UBR4: variants seen among roughly 807,000 people sequenced by gnomAD.
UBR4 encodes the protein E3 ubiquitin-protein ligase UBR4.
A neutral mutation model predicts 575.6 loss-of-function variants in UBR4; 124 were observed. The ratio of observed to expected loss-of-function variants is 0.22; its 90% CI spans 0.19 to 0.25. UBR4 has a LOEUF of 0.25. Ranked by LOEUF, UBR4 falls within the 10% of genes least tolerant of loss-of-function variation. The probability of loss-of-function intolerance (pLI) is 1.00; values close to 1 mark genes in which losing one functional copy is unlikely to be tolerated. For synonymous variants in UBR4, 2,455 were observed against 2,473.7 expected (o/e 0.99, Z 0.22); for missense variants, 4,818 against 6,478.8 (o/e 0.74, Z 8.80).
At chr1:19,190,292 C>CAAAAAAAAAAAAA (rs1184892281) in intron 11 of UBR4, among the ~76,000 whole-genome samples, 1 of 40,396 alleles carries the variant, frequency 2.5e-5, no homozygotes, top group African/African-American at 1.2e-4. Flanking sequence ...GACTCTGCCT[C>CAAAAAAAAAAAAA]AAAAAAAAAA....
intron 29 of UBR4, 32 bp from the exon 30 acceptor site, chr1:19,165,789 TA>T: frequency 6.4e-7 from 1 of 1,554,034 alleles, no homozygotes; most frequent in Non-Finnish European, 8.8e-7. Context: ...TAACCACCAG[TA>T]TTAAGACCTG....
Position 19,157,703 on chromosome 1 carries a change from G to T in UBR4, c.5760+112C>A. On this transcript the variant is annotated intron_variant, in intron 40 of 105. Transcript: ENST00000375254. This position sits in a 1 kb window ranked among gnomAD's most constrained non-coding sequence, Gnocchi z 4.4. ...TCTGTCCCTGAAGCATTCTTAGAACGCAGTGGACTTTTTCCCACAGAGGGC... is the reference window on the plus strand; with the variant it reads ...TCTGTCCCTGAAGCATTCTTAGAACTCAGTGGACTTTTTCCCACAGAGGGC... The T allele has an allele frequency of 7.5e-7, 1 of 1,336,778 alleles. No individual in the cohort carries two copies. The highest frequency in any genetic ancestry group is 1.0e-6 in the Non-Finnish European group (1 of 980,708). The allele number at this position is 1,336,778 out of a possible 1,614,324, so 82.8% of individuals were successfully genotyped here.
chr1:19,199,510 G>T, intron 3 of UBR4, 141 bp downstream of exon 3: 1 of 684,792 alleles, frequency 1.5e-6, no homozygotes, highest in Non-Finnish European at 2.5e-6. Context: ...TAGTTAACTA[G>T]CTGCAACAGA....
At chr1:19,147,914 C>T (rs995910892) in intron 51 of UBR4, 79 bp downstream of exon 51, 21 of 1,557,630 alleles carry the variant, frequency 1.3e-5, no homozygotes, top group Non-Finnish European at 1.8e-5. Flanking sequence ...CTTTGCTGTG[C>T]TGTTGCTTTA....
At chr1:19,166,835 G>A (rs919796581) in intron 29 of UBR4, among the ~76,000 whole-genome samples, 187 bp downstream of exon 29, 11 of 150,726 alleles carry the variant, frequency 7.3e-5, no homozygotes, top group African/African-American at 2.4e-4. Flanking sequence ...GAGCCCCGGA[G>A]GCAGAGGTTG....
intron 102 of UBR4, chr1:19,082,156 C>T (rs11802186): frequency 0.076 from 18,445 of 243,058 alleles, 1,477 homozygotes; most frequent in African/African-American, 0.24. Flanking sequence ...GTTAGAACAG[C>T]CTCTTCCAGA....
chr1:19,204,531 A>AT (rs1553240220), intron 1 of UBR4, among the ~76,000 whole-genome samples: 10 of 143,838 alleles, frequency 7.0e-5, no homozygotes, highest in African/African-American at 2.5e-4. Context: ...AATATATAAA[A>AT]AAAAATATAT....
intron 66 of UBR4, 132 bp downstream of exon 66, chr1:19,122,701 T>A: frequency 2.0e-6 from 2 of 1,011,334 alleles, no homozygotes; most frequent in Non-Finnish European, 3.0e-6. Context: ...GGATTTACCC[T>A]CATCTCAGCC....
intron 9 of UBR4, 96 bp downstream of exon 9, chr1:19,193,337 T>C: frequency 3.9e-6 from 6 of 1,522,994 alleles, no homozygotes; most frequent in Admixed American, 1.9e-5. Context: ...TGGAGAATAC[T>C]CTAAGTTCTT....
intron 73 of UBR4, among the ~76,000 whole-genome samples, chr1:19,116,422 G>C (rs2080535736): frequency 2.0e-5 from 3 of 152,158 alleles, no homozygotes; most frequent in Non-Finnish European, 1.5e-5. Context: ...GGTCACCAAG[G>C]TTAAACTAGG....
At chr1:19,144,745 C>T (rs369348644) in intron 54 of UBR4, 41 bp downstream of exon 54, 8 of 1,574,060 alleles carry the variant, frequency 5.1e-6, no homozygotes, top group South Asian at 1.2e-5. Context: ...CCAGATATTC[C>T]CTGGCTGCTG....
rs1419877961 is a variant in UBR4, at chr1:19,106,608, G to A, written c.12354C>T (p.Pro4118=). Residue 4118 remains proline (P), a synonymous_variant, in exon 83 of 106, where the codon CCC becomes CCT. Transcript: ENST00000375254. ...FLSRRGKRTS[P]LDLKLGHNNW... ...TGTTATGCCCCAGTTTGAGATCCAA[G>A]GGGGAGGTCCTCTTCCCCCGACGAC... 1.9e-6 allele frequency: 3 copies of A among 1,594,336 alleles called. No individual in the cohort carries two copies. The highest frequency in any genetic ancestry group is 2.6e-6 in the Non-Finnish European group (3 of 1,170,928).
At position 19,160,206 on chromosome 1, in the gene UBR4, G is replaced by T; in HGVS notation, c.5482C>A (p.Gln1828Lys). 6.2e-7 allele frequency: 1 copy of T among 1,613,854 alleles called. No homozygotes were observed. Among genetic ancestry groups the T allele is most frequent in the South Asian group, 1.1e-5 (1 of 91,080 alleles). The change falls in exon 39 of 106, where the codon CAA becomes AAA. Residue 1828 changes from glutamine to lysine, a missense_variant. Gln to Lys is a moderately conservative substitution (Grantham distance 53, BLOSUM62 1). Transcript: ENST00000375254. Reference protein sequence around the residue: ...LMDAIQTNFQQASAVGSSSRA... With the variant: ...LMDAIQTNFQKASAVGSSSRA... ...CTGCTGCTCCCGACGGCTGAAGCTT[G>T]CTGGAAGTTGGTCTGAATGGCATCC...
chr1:19,209,998 A>T, intron 1 of UBR4, 75 bp downstream of exon 1: 1 of 1,418,756 alleles, frequency 7.0e-7, no homozygotes, highest in Non-Finnish European at 9.3e-7. Context: ...CGGCCCGGAA[A>T]GCGGGTCCAG....
chr1:19,175,683 C>T (rs1209961090), intron 20 of UBR4, among the ~76,000 whole-genome samples: 1 of 152,178 alleles, frequency 6.6e-6, no homozygotes, highest in Non-Finnish European at 1.5e-5. Flanking sequence ...AGAACCACAA[C>T]TCTAAGGGAA....
At position 19,115,636 on chromosome 1, in the gene UBR4, G is replaced by A; in HGVS notation, c.10825C>T (p.Pro3609Ser). The change falls in exon 74 of 106, where the codon CCA becomes TCA. Residue 3609 changes from proline to serine, a missense_variant and splice_region_variant. By Grantham distance (74) the Pro-to-Ser change is moderately conservative. Around this residue, in one of 29 missense-constraint regions of UBR4, gnomAD observed 550 missense variants for 791.5 expected, o/e 0.69. Coordinates refer to ENST00000375254, the MANE Select transcript of UBR4 (RefSeq NM_020765.3). ...TTCTTGGCTTTGTGCCAGCGAGCTG[G>A]CCTAGGAAAGACAGACAGCCTTGAG... ...VQAIVELKNK[P>S]ARWHKAKKVQ... 3 of 1,614,016 alleles carry A rather than the reference G, an allele frequency of 1.9e-6. No homozygotes were observed. Among genetic ancestry groups the A allele is most frequent in the Non-Finnish European group, 2.5e-6 (3 of 1,179,942 alleles).
At chr1:19,200,670 A>G (rs989669699) in intron 2 of UBR4, among the ~76,000 whole-genome samples, 1 of 152,214 alleles carries the variant, frequency 6.6e-6, no homozygotes, top group Non-Finnish European at 1.5e-5. Context: ...ACTTAAAAAA[A>G]TAAAATGACT....
rs1310500866 is a variant in UBR4, at chr1:19,089,422, G to A, written c.14212-445C>T. ...AGGACCTGCCCTGAGTTCTCCACGG[G>A]AGCCCCTGGGTCCACCAAACCTAGG... is the stretch of plus-strand genomic sequence containing the variant. On this transcript the variant is annotated intron_variant, in intron 97 of 105. Transcript: ENST00000375254. This position sits in a 1 kb window ranked among gnomAD's most constrained non-coding sequence, Gnocchi z 4.3. Among the ~76,000 whole-genome samples, 1 of 152,174 alleles carries A rather than the reference G, an allele frequency of 6.6e-6. No homozygotes were observed.
chr1:19,133,640 T>G (rs1295083825), intron 60 of UBR4, among the ~76,000 whole-genome samples: 6 of 152,228 alleles, frequency 3.9e-5, no homozygotes. Flanking sequence ...GAAAATCCAC[T>G]AGAATCTATC....
Sources: gnomAD v4.1 joint callset for allele counts (sites outside exome capture counted in the v4.1 genomes callset) on GRCh38, gnomAD v4.1.1 for gene constraint, gnomAD v4.1.1 regional missense constraint, Gnocchi (gnomAD v3.1) non-coding constraint, MANE v1.5 for transcripts, NCBI Gene and HGNC (gene_info 2026-07-23, HGNC 2026-07-21) for gene names.